The following CPLX4 variants were observed in gnomAD, a reference collection of about 807,000 sequenced individuals.
CPLX4 encodes the protein complexin 4.
In CPLX4, 17 loss-of-function variants were observed where a neutral mutation model predicts 16.1. The ratio of observed to expected loss-of-function variants is 1.06; its 90% CI spans 0.72 to 1.59. CPLX4 has a LOEUF of 1.59. Among genes scored for constraint, CPLX4 ranks in the 40% most tolerant of loss-of-function variants. The probability of loss-of-function intolerance (pLI) is 0.00; values close to 1 mark genes in which losing one functional copy is unlikely to be tolerated. For missense variants in CPLX4, 193 were observed against 192.9 expected, an observed-to-expected ratio of 1.00 and a Z score of 0.00; for synonymous variants, 55 against 57.8, an observed-to-expected ratio of 0.95 and a Z score of 0.22.
At chr18:59,309,992 T>A (rs930971581) in intron 2 of CPLX4, among the ~76,000 whole-genome samples, 10 of 152,154 alleles carry the variant, frequency 6.6e-5, no homozygotes, top group African/African-American at 1.4e-4. Context: ...ATTGCAAAGC[T>A]ACTTAACCCT....
At chr18:59,315,807 G>A (rs2070647631) in intron 1 of CPLX4, among the ~76,000 whole-genome samples, 1 of 152,214 alleles carries the variant, frequency 6.6e-6, no homozygotes, top group Non-Finnish European at 1.5e-5. Flanking sequence ...TTATTTTGGC[G>A]CTTTTGTTGA....
chr18:59,301,934 G>T (rs939954125), intron 2 of CPLX4, among the ~76,000 whole-genome samples: 14 of 152,210 alleles, frequency 9.2e-5, no homozygotes, highest in African/African-American at 3.1e-4. Context: ...AAGCATCTAA[G>T]CTCTGGACAA....
intron 1 of CPLX4, among the ~76,000 whole-genome samples, chr18:59,317,820 GTT>G (rs11284122): frequency 1.9e-4 from 27 of 140,446 alleles, no homozygotes; most frequent in African/African-American, 5.4e-4. Flanking sequence ...TGCTTCCTGG[GTT>G]TTTTTTTTTT....
In CPLX4 at chr18:59,312,774, TA is replaced by T; in HGVS notation, c.168-3del. 2 of 1,245,136 alleles carry T rather than the reference TA, an allele frequency of 1.6e-6. No individual in the cohort carries two copies. The highest frequency in any genetic ancestry group is 2.4e-6 in the Non-Finnish European group (2 of 844,204). The allele number at this position is 1,245,136 out of a possible 1,614,324, so 77.1% of individuals were successfully genotyped here. ...GTAAATGCAGCATCTCTTTCCATCC[TA>T]AAAGTTAAAGAATAAAGGATCAGAA... On this transcript the variant is annotated splice_polypyrimidine_tract_variant and splice_region_variant and intron_variant, in intron 1 of 2. Coordinates refer to ENST00000299721, the MANE Select transcript of CPLX4 (RefSeq NM_181654.4).
In CPLX4 at chr18:59,296,672, T is replaced by C; in HGVS notation, c.*26A>G. 6.3e-7 allele frequency: 1 copy of C among 1,595,020 alleles called. No individual in the cohort carries two copies. Among genetic ancestry groups the C allele is most frequent in the Non-Finnish European group, 8.6e-7 (1 of 1,164,192 alleles). ...AGTGGTCTTTTCCAAGGATGGCTGG[T>C]TCCCTCCCTCCACCCCTCCCACCCC... On this transcript the variant is annotated 3_prime_UTR_variant, in exon 3 of 3. Transcript: ENST00000299721.
At chr18:59,312,510 T>G (rs2070624047) in intron 2 of CPLX4, among the ~76,000 whole-genome samples, 175 bp downstream of exon 2, 2 of 147,660 alleles carry the variant, frequency 1.4e-5, no homozygotes, top group African/African-American at 4.9e-5. Flanking sequence ...TGAATATATA[T>G]ATATCCTGAA....
At chr18:59,309,360 A>G (rs1031031153) in intron 2 of CPLX4, among the ~76,000 whole-genome samples, 3 of 152,220 alleles carry the variant, frequency 2.0e-5, no homozygotes, top group African/African-American at 7.2e-5. Context: ...CAATGTTCTC[A>G]AGTGAAATTC....
chr18:59,314,198 G>C (rs2144192337), intron 1 of CPLX4, among the ~76,000 whole-genome samples: 1 of 152,224 alleles, frequency 6.6e-6, no homozygotes, highest in African/African-American at 2.4e-5. Flanking sequence ...CGAATAAAGT[G>C]ACCTGTCCAG....
At chr18:59,317,914 T>C (rs957119766) in intron 1 of CPLX4, among the ~76,000 whole-genome samples, 1 of 152,050 alleles carries the variant, frequency 6.6e-6, no homozygotes, top group Non-Finnish European at 1.5e-5. Flanking sequence ...TTCTTACAAT[T>C]TGAAGACTTT....
intron 1 of CPLX4, among the ~76,000 whole-genome samples, chr18:59,317,646 C>A (rs1226176038): frequency 6.6e-6 from 1 of 151,960 alleles, no homozygotes; most frequent in Non-Finnish European, 1.5e-5. Context: ...AATCTTTAAG[C>A]AAATGTAGCA....
At chr18:59,297,029 A>G (rs2070506698) in intron 2 of CPLX4, 104 bp from the exon 3 acceptor site, 1 of 1,478,456 alleles carries the variant, frequency 6.8e-7, no homozygotes, top group Non-Finnish European at 8.9e-7. Context: ...AGAATACAGG[A>G]AGTGAGTGGC....
chr18:59,308,185 T>C (rs2070590449), intron 2 of CPLX4, among the ~76,000 whole-genome samples: 1 of 152,144 alleles, frequency 6.6e-6, no homozygotes, highest in Non-Finnish European at 1.5e-5. Context: ...GCTAAGCCAC[T>C]GGGTAAGTTG....
intron 2 of CPLX4, among the ~76,000 whole-genome samples, chr18:59,304,462 A>G (rs527649033): frequency 2.8e-4 from 42 of 152,240 alleles, no homozygotes; most frequent in Non-Finnish European, 4.6e-4. Flanking sequence ...TTTATACAAA[A>G]CTACAATATC....
At chr18:59,309,196 G>T (rs1251013812) in intron 2 of CPLX4, among the ~76,000 whole-genome samples, 1 of 152,180 alleles carries the variant, frequency 6.6e-6, no homozygotes, top group Non-Finnish European at 1.5e-5. Context: ...GCAGGCAATT[G>T]TATTATTGGT....
At chr18:59,314,757 G>A (rs1314980977) in intron 1 of CPLX4, among the ~76,000 whole-genome samples, 2 of 152,144 alleles carry the variant, frequency 1.3e-5, no homozygotes, top group Non-Finnish European at 2.9e-5. Flanking sequence ...GAACCATACA[G>A]TTCATCTTTG....
At chr18:59,298,481 C>A (rs1384357001) in intron 2 of CPLX4, among the ~76,000 whole-genome samples, 3 of 152,042 alleles carry the variant, frequency 2.0e-5, no homozygotes, top group South Asian at 4.2e-4. Flanking sequence ...TATGTTAGAG[C>A]CACCTGAATA....
intron 2 of CPLX4, among the ~76,000 whole-genome samples, chr18:59,304,416 T>C (rs966300110): frequency 3.3e-5 from 5 of 152,228 alleles, no homozygotes; most frequent in African/African-American, 1.2e-4. Context: ...TGAAGAAATA[T>C]GGTGTTTTAA....
chr18:59,296,757 C>T lies in CPLX4; in HGVS notation c.424G>A (p.Ala142Thr). Residue 142 changes from alanine to threonine, a missense_variant, in exon 3 of 3, where the codon GCC becomes ACC. Physicochemically the swap from Ala to Thr is moderately conservative, Grantham distance 58. Transcript: ENST00000299721. ...TTGATTTCAGTGAAGGTGGCCTGGG[C>T]TTTTTCTTTTATGGTATCCAAGTCC... ...NMDLDTIKEK[A>T]QATFTEIKQT... is the part of the protein sequence containing the mutation. 1 of 1,595,272 alleles carries T rather than the reference C, an allele frequency of 6.3e-7. No homozygotes were observed.
chr18:59,304,486 T>C (rs2070562408), intron 2 of CPLX4, among the ~76,000 whole-genome samples: 3 of 152,246 alleles, frequency 2.0e-5, no homozygotes, highest in Admixed American at 1.3e-4. Context: ...TCTGGACTAG[T>C]TATTTTCATA....
Sources: allele counts gnomAD v4.1 joint callset (sites outside exome capture counted in the v4.1 genomes callset), GRCh38; gene constraint gnomAD v4.1.1; transcripts MANE v1.5; gene names NCBI Gene and HGNC (gene_info 2026-07-23, HGNC 2026-07-21).